MADD: variants seen among roughly 807,000 people sequenced by gnomAD.
The protein encoded by MADD is MAP kinase-activating death domain protein.
Under a neutral mutation model 176.7 loss-of-function variants are expected in MADD, and 109 were observed. That is an observed-to-expected ratio of 0.62 (90% CI 0.53 to 0.72). MADD has a LOEUF of 0.72. Ranked by LOEUF, MADD falls within the 30% of genes least tolerant of loss-of-function variation. The pLI, the probability that MADD is intolerant of heterozygous loss-of-function variation, is 0.00. For synonymous variants in MADD, 771 were observed against 771.3 expected, an observed-to-expected ratio of 1.00 and a Z score of 0.01; for missense variants, 1,914 against 2,045.5, an observed-to-expected ratio of 0.94 and a Z score of 1.24.
At chr11:47,292,438 G>A in intron 19 of MADD, 105 bp from the exon 21 acceptor site, 1 of 967,676 alleles carries the variant, frequency 1.0e-6, no homozygotes, top group East Asian at 2.4e-5. Flanking sequence ...TGGTAATCCA[G>A]TGCCTGAGAC....
chr11:47,281,135 C>T (rs576605004), intron 7 of MADD, among the ~76,000 whole-genome samples: 9 of 152,166 alleles, frequency 5.9e-5, no homozygotes, highest in Non-Finnish European at 1.0e-4. Flanking sequence ...TCTGAGGGGC[C>T]GATTTAGCTT....
chr11:47,328,532 C>T lies in MADD; in HGVS notation c.4613-126C>T, dbSNP rs74897627. 1.5e-3 allele frequency: 2,373 copies of T among 1,534,942 alleles called. 30 individuals carry two copies. In the African/African-American group the frequency reaches 0.029, roughly 19 times the overall value. ...TGCCCTGTCATAGCCTAAGCTGCTG[C>T]AGCCACTGTGAGAGGCCACAGAGGG... On this transcript the variant is annotated intron_variant, in intron 31 of 32. Transcript: ENST00000402192.
chr11:47,309,404 A>G lies in MADD; in HGVS notation c.3872+3A>G. Reference sequence around the variant, plus strand: ...GGTCCCCAGGAAATGATCGACAGGTATGGGGCTTAGGAAACCATTGGGAAT... The same window carrying G: ...GGTCCCCAGGAAATGATCGACAGGTGTGGGGCTTAGGAAACCATTGGGAAT... On this transcript the variant is annotated splice_donor_region_variant and intron_variant, in intron 24 of 32. Coordinates refer to ENST00000402192, the Ensembl canonical transcript of MADD. 1 of 1,614,184 alleles carries G rather than the reference A, an allele frequency of 6.2e-7. No individual in the cohort carries two copies. The highest frequency in any genetic ancestry group is 2.2e-5 in the East Asian group (1 of 44,882).
intron 10 of MADD, among the ~76,000 whole-genome samples, chr11:47,283,878 T>G (rs995610044): frequency 4.6e-5 from 7 of 152,216 alleles, no homozygotes; most frequent in South Asian, 2.1e-4. Context: ...CGGCTACTTT[T>G]TGTATTTTTA....
chr11:47,278,742 G>A, intron 6 of MADD, among the ~76,000 whole-genome samples: 1 of 152,010 alleles, frequency 6.6e-6, no homozygotes, highest in East Asian at 1.9e-4. Context: ...ATAAAAATAA[G>A]CGTAAATAAA....
intron 27 of MADD, among the ~76,000 whole-genome samples, chr11:47,320,246 A>G (rs1394731710): frequency 6.7e-6 from 1 of 150,054 alleles, no homozygotes; most frequent in Non-Finnish European, 1.5e-5. Flanking sequence ...CACGAGGTCA[A>G]GAGTTCAAGA....
At chr11:47,319,990 C>CAAAA (rs11302029) in intron 27 of MADD, among the ~76,000 whole-genome samples, 22 of 67,842 alleles carry the variant, frequency 3.2e-4, no homozygotes, top group South Asian at 5.5e-4. Flanking sequence ...GACTCCATCG[C>CAAAA]AAAAAAAAAA....
chr11:47,295,455 A>ACT, intron 20 of MADD, 41 bp from the exon 23 acceptor site: 1 of 1,485,014 alleles, frequency 6.7e-7, no homozygotes, highest in Non-Finnish European at 9.4e-7. Context: ...AACTGAGAGG[A>ACT]GATTGGACAC....
intron 31 of MADD, chr11:47,328,282 C>A: frequency 8.7e-7 from 1 of 1,149,198 alleles, no homozygotes; most frequent in South Asian, 2.4e-5. Flanking sequence ...CTCTCTCCTC[C>A]CAGCCAAAAC....
At chr11:47,312,908 T>C (rs1390731790) in intron 26 of MADD, among the ~76,000 whole-genome samples, 1 of 152,246 alleles carries the variant, frequency 6.6e-6, no homozygotes, top group Non-Finnish European at 1.5e-5. Context: ...GATGGTTGTT[T>C]TGAAGAAAAG....
At chr11:47,315,422 T>C in intron 27 of MADD, 95 bp downstream of exon 30, 1 of 676,186 alleles carries the variant, frequency 1.5e-6, no homozygotes, top group Non-Finnish European at 2.6e-6. Context: ...ATTTATCTCA[T>C]TCATCTTCAT....
At chr11:47,326,708 C>T in intron 30 of MADD, 30 bp from the exon 35 acceptor site, 1 of 1,610,620 alleles carries the variant, frequency 6.2e-7, no homozygotes, top group Non-Finnish European at 8.5e-7. Context: ...GCCTGTGGGC[C>T]TTACCCCGGC....
chr11:47,313,719 A>T (rs1021901173), intron 26 of MADD, among the ~76,000 whole-genome samples: 2 of 151,514 alleles, frequency 1.3e-5, no homozygotes, highest in East Asian at 1.9e-4. Context: ...TTTAAATAAC[A>T]TTTTTTTTCA....
At chr11:47,282,674 T>G (rs2057795153) in intron 9 of MADD, 58 bp downstream of exon 9, 4 of 1,594,676 alleles carry the variant, frequency 2.5e-6, no homozygotes, top group Non-Finnish European at 2.6e-6. Flanking sequence ...CCTGATGGAC[T>G]TTGATTTTTC....
chr11:47,327,781 G>A, intron 31 of MADD: 1 of 985,430 alleles, frequency 1.0e-6, no homozygotes, highest in Non-Finnish European at 1.2e-6. Flanking sequence ...AGAAGGTACG[G>A]CCAATTCTCC....
At chr11:47,275,309 T>A in intron 3 of MADD, 150 bp downstream of exon 3, 1 of 769,292 alleles carries the variant, frequency 1.3e-6, no homozygotes, top group South Asian at 1.8e-5. Flanking sequence ...CTTTTTTCTT[T>A]TGGAGACAGT....
intron 22 of MADD, among the ~76,000 whole-genome samples, chr11:47,308,059 A>C (rs1432464174): frequency 6.6e-6 from 1 of 152,282 alleles, no homozygotes; most frequent in African/African-American, 2.4e-5. Context: ...ATAGGAAAGA[A>C]GAAATGAACA....
chr11:47,279,443 G>C (rs1260794306), intron 7 of MADD, among the ~76,000 whole-genome samples: 1 of 143,010 alleles, frequency 7.0e-6, no homozygotes, highest in African/African-American at 2.6e-5. Context: ...GGAGTGCAGT[G>C]GCGCGATCTC....
At chr11:47,295,781 A>C in intron 21 of MADD, 116 bp from the exon 24 acceptor site, 2 of 1,525,034 alleles carry the variant, frequency 1.3e-6, no homozygotes, top group East Asian at 2.3e-5. Context: ...TCCAGAGGCT[A>C]TCTGACACAC....
Sources: allele counts gnomAD v4.1 joint callset (sites outside exome capture counted in the v4.1 genomes callset), GRCh38; gene constraint gnomAD v4.1.1; transcripts MANE v1.5; gene names NCBI Gene and HGNC (gene_info 2026-07-23, HGNC 2026-07-21).